The following NTNG1 variants were observed in gnomAD, a reference collection of about 807,000 sequenced individuals.
NTNG1 encodes netrin G1, also known as netrin-G1.
In NTNG1, 16 loss-of-function variants were observed where a neutral mutation model predicts 54.0. The observed-to-expected ratio is 0.30, with a 90% CI of 0.20 to 0.45. The LOEUF is 0.45. Ranked by LOEUF, NTNG1 falls within the 20% of genes least tolerant of loss-of-function variation. The probability of loss-of-function intolerance (pLI) is 1.00; values close to 1 mark genes in which losing one functional copy is unlikely to be tolerated. For synonymous variants in NTNG1, 255 were observed against 263.1 expected, an observed-to-expected ratio of 0.97 and a Z score of 0.30; for missense variants, 530 against 678.7, an observed-to-expected ratio of 0.78 and a Z score of 2.43.
At chr1:107,442,259 T>C (rs889510900) in intron 7 of NTNG1, among the ~76,000 whole-genome samples, 3 of 152,084 alleles carry the variant, frequency 2.0e-5, no homozygotes, top group Admixed American at 1.3e-4. Context: ...ATCTAAGAGG[T>C]ATTGTTCCAA....
chr1:107,214,013 A>T (rs1249777553), intron 2 of NTNG1, among the ~76,000 whole-genome samples: 1 of 152,118 alleles, frequency 6.6e-6, no homozygotes, highest in African/African-American at 2.4e-5. Flanking sequence ...CCTAATTTTT[A>T]GTTTTTCTTT....
At chr1:107,247,913 G>A (rs1332593730) in intron 2 of NTNG1, among the ~76,000 whole-genome samples, 1 of 152,202 alleles carries the variant, frequency 6.6e-6, no homozygotes, top group Non-Finnish European at 1.5e-5. Flanking sequence ...GTGCTGCACA[G>A]ATGAGGTGAA....
intron 2 of NTNG1, among the ~76,000 whole-genome samples, chr1:107,216,824 T>C (rs1359444175): frequency 2.6e-5 from 4 of 151,964 alleles, no homozygotes; most frequent in Admixed American, 2.0e-4. Context: ...ACTACAGGCA[T>C]GTACCACCAC....
intron 2 of NTNG1, among the ~76,000 whole-genome samples, chr1:107,250,884 T>C (rs1662560343): frequency 6.6e-6 from 1 of 152,264 alleles, no homozygotes; most frequent in African/African-American, 2.4e-5. Context: ...CATCACTCTA[T>C]GCCCTTCAGA....
chr1:107,357,307 A>G (rs1389335084), intron 3 of NTNG1, among the ~76,000 whole-genome samples: 1 of 152,174 alleles, frequency 6.6e-6, no homozygotes, highest in African/African-American at 2.4e-5. Flanking sequence ...CTAAATTTAT[A>G]CTTAACTGGG....
At chr1:107,367,480 C>A (rs925033651) in intron 3 of NTNG1, among the ~76,000 whole-genome samples, 1 of 152,026 alleles carries the variant, frequency 6.6e-6, no homozygotes, top group Non-Finnish European at 1.5e-5. Context: ...ATCAGATTTA[C>A]CCTCAGGAGA....
chr1:107,211,142 C>G (rs1465700635), intron 2 of NTNG1, among the ~76,000 whole-genome samples: 2 of 152,044 alleles, frequency 1.3e-5, no homozygotes, highest in South Asian at 4.1e-4. Flanking sequence ...TCTTAAGGGT[C>G]TTTGGTGTCT....
At chr1:107,367,535 T>A (rs1169135176) in intron 3 of NTNG1, among the ~76,000 whole-genome samples, 2 of 152,184 alleles carry the variant, frequency 1.3e-5, no homozygotes, top group Non-Finnish European at 2.9e-5. Flanking sequence ...CCTTTATGCC[T>A]GTGGATCCCT....
chr1:107,361,142 A>C (rs1670241491), intron 3 of NTNG1, among the ~76,000 whole-genome samples: 2 of 145,260 alleles, frequency 1.4e-5, no homozygotes, highest in Admixed American at 1.4e-4. Flanking sequence ...CTTATATTAT[A>C]TATTATATAT....
intron 2 of NTNG1, among the ~76,000 whole-genome samples, chr1:107,199,212 CCCCAGTTTTCTT>C (rs1413083336): frequency 6.6e-6 from 1 of 151,622 alleles, no homozygotes; most frequent in Non-Finnish European, 1.5e-5. Flanking sequence ...TCAGTTATCT[CCCCAGTTTTCTT>C]AATTCTTTTA....
chr1:107,332,428 G>A (rs143753394), intron 3 of NTNG1, among the ~76,000 whole-genome samples: 1 of 152,000 alleles, frequency 6.6e-6, no homozygotes, highest in South Asian at 2.1e-4. Context: ...ATTTAACTTA[G>A]CATTTGTAAG....
intron 7 of NTNG1, among the ~76,000 whole-genome samples, chr1:107,473,443 C>A (rs1293938677): frequency 6.6e-6 from 1 of 152,128 alleles, no homozygotes; most frequent in Non-Finnish European, 1.5e-5. Context: ...ACCCTCTGAG[C>A]ATAAGGAGTC....
intron 2 of NTNG1, among the ~76,000 whole-genome samples, chr1:107,288,312 G>T (rs1478033708): frequency 6.6e-6 from 1 of 152,120 alleles, no homozygotes; most frequent in Non-Finnish European, 1.5e-5. Context: ...GTTTCCATGG[G>T]ACATTCAGAC....
chr1:107,449,196 A>G (rs997252409), intron 7 of NTNG1, among the ~76,000 whole-genome samples: 7 of 152,178 alleles, frequency 4.6e-5, no homozygotes, highest in Non-Finnish European at 7.4e-5. Context: ...CAAAACGGAA[A>G]GAATGACAGC....
At chr1:107,431,257 C>G (rs558030533) in intron 6 of NTNG1, among the ~76,000 whole-genome samples, 1 of 151,978 alleles carries the variant, frequency 6.6e-6, no homozygotes, top group Non-Finnish European at 1.5e-5. Context: ...AAACTTAAGG[C>G]TATACATTCA....
chr1:107,355,663 A>C (rs1477937404), intron 3 of NTNG1, among the ~76,000 whole-genome samples: 1 of 152,154 alleles, frequency 6.6e-6, no homozygotes, highest in Non-Finnish European at 1.5e-5. Flanking sequence ...GGAAGTGTGG[A>C]TGTCTCTATG....
At chr1:107,330,095 G>C (rs1668193545) in intron 3 of NTNG1, among the ~76,000 whole-genome samples, 1 of 151,972 alleles carries the variant, frequency 6.6e-6, no homozygotes, top group Non-Finnish European at 1.5e-5. Context: ...GGATATCCTA[G>C]GCAGACAAAT....
intron 3 of NTNG1, among the ~76,000 whole-genome samples, chr1:107,373,536 C>A (rs1185878446): frequency 1.3e-5 from 2 of 149,708 alleles, no homozygotes; most frequent in African/African-American, 4.9e-5. Context: ...CTCTTCATTC[C>A]TTTGTGTCTA....
intron 5 of NTNG1, among the ~76,000 whole-genome samples, chr1:107,422,591 G>T (rs1407448209): frequency 1.3e-5 from 2 of 152,050 alleles, no homozygotes; most frequent in East Asian, 1.9e-4. Context: ...AGCTACATAA[G>T]GATGCAAGAC....
Sources: allele counts gnomAD v4.1 joint callset (sites outside exome capture counted in the v4.1 genomes callset), GRCh38; gene constraint gnomAD v4.1.1; transcripts MANE v1.5; gene names NCBI Gene and HGNC (gene_info 2026-07-23, HGNC 2026-07-21).